The following CEP57 variants were observed in gnomAD, a reference collection of about 807,000 sequenced individuals.
The protein encoded by CEP57 is centrosomal protein 57.
A neutral mutation model predicts 68.0 loss-of-function variants in CEP57; 40 were observed. The observed-to-expected ratio is 0.59, with a 90% confidence interval of 0.46 to 0.77. The LOEUF is 0.77. Ranked by LOEUF, CEP57 falls within the 30% of genes least tolerant of loss-of-function variation. CEP57 has a pLI of 0.00. For synonymous variants in CEP57, 219 were observed against 198.7 expected (o/e 1.10, Z -0.86); for missense variants, 606 against 580.7 (o/e 1.04, Z -0.45).
At chr11:95,818,688 C>G (rs1862402946) in intron 5 of CEP57, 139 bp from the exon 6 acceptor site, 1 of 669,074 alleles carries the variant, frequency 1.5e-6, no homozygotes, top group East Asian at 2.8e-5. Context: ...CCATCCAGCT[C>G]ACAGCCTCCA....
At chr11:95,797,709 C>T (rs2135253601) in intron 1 of CEP57, among the ~76,000 whole-genome samples, 1 of 152,208 alleles carries the variant, frequency 6.6e-6, no homozygotes, top group East Asian at 1.9e-4. Context: ...ATGTATATGT[C>T]ATGAGGAGTG....
intron 3 of CEP57, 151 bp downstream of exon 3, chr11:95,813,262 C>T: frequency 2.0e-6 from 2 of 1,004,906 alleles, no homozygotes; most frequent in Non-Finnish European, 2.9e-6. Context: ...GGAGCAAATG[C>T]TGTTGTCATA....
At chr11:95,802,845 A>G (rs1348145112) in intron 2 of CEP57, among the ~76,000 whole-genome samples, 1 of 152,164 alleles carries the variant, frequency 6.6e-6, no homozygotes, top group Admixed American at 6.5e-5. Flanking sequence ...TATGCCCCAT[A>G]TTTTGAGAAC....
At chr11:95,828,146 CT>C in intron 9 of CEP57, 119 bp downstream of exon 9, 1 of 1,161,240 alleles carries the variant, frequency 8.6e-7, no homozygotes, top group Non-Finnish European at 1.2e-6. Flanking sequence ...GAGCACAATC[CT>C]TATACCAACC....
At chr11:95,803,991 A>G (rs995214271) in intron 2 of CEP57, among the ~76,000 whole-genome samples, 11 of 152,194 alleles carry the variant, frequency 7.2e-5, no homozygotes, top group Non-Finnish European at 1.5e-4. Flanking sequence ...AACAGTTCCA[A>G]AGATGTGTGC....
chr11:95,792,429 A>G (rs1197009971), intron 1 of CEP57, among the ~76,000 whole-genome samples: 5 of 152,190 alleles, frequency 3.3e-5, no homozygotes, highest in Admixed American at 3.3e-4. Flanking sequence ...GAAGTGAGGT[A>G]TGATAGTGCC....
In CEP57 at chr11:95,831,066, A is replaced by C; in HGVS notation, c.1313A>C (p.Lys438Thr). ...TTAGAGAAGCAGAAGAAGGAATTAA[A>C]AGCTACCAAAAAGACTCTTGATGAA... ...QKLEKQKKEL[K>T]ATKKTLDEER... Residue 438 changes from lysine to threonine, a missense_variant, in exon 11 of 11, where the codon AAA (lysine) becomes ACA (threonine). By Grantham distance (78) the Lys-to-Thr change is moderately conservative. Coordinates refer to ENST00000325542, the MANE Select transcript of CEP57 (RefSeq NM_014679.5). 1 of 1,613,432 alleles carries C rather than the reference A, an allele frequency of 6.2e-7. No individual in the cohort carries two copies. The highest frequency in any genetic ancestry group is 8.5e-7 in the Non-Finnish European group (1 of 1,179,578).
intron 1 of CEP57, among the ~76,000 whole-genome samples, chr11:95,791,019 A>T (rs1045676986): frequency 6.6e-6 from 1 of 152,154 alleles, no homozygotes; most frequent in African/African-American, 2.4e-5. Context: ...AACATTCCCA[A>T]GGGCCGGCTG....
At chr11:95,790,894 AT>A in intron 1 of CEP57, 151 bp downstream of exon 1, 1 of 944,062 alleles carries the variant, frequency 1.1e-6, no homozygotes, top group Non-Finnish European at 1.7e-6. Flanking sequence ...CCAAGCTTCC[AT>A]TCACTGTGGC....
intron 4 of CEP57, among the ~76,000 whole-genome samples, chr11:95,813,835 CTTT>C (rs968487492): frequency 2.0e-5 from 3 of 152,164 alleles, no homozygotes; most frequent in Non-Finnish European, 2.9e-5. Flanking sequence ...ATGTTAGCTT[CTTT>C]GAGTCTACAT....
intron 2 of CEP57, among the ~76,000 whole-genome samples, chr11:95,805,607 A>C (rs943462565): frequency 6.6e-6 from 1 of 152,214 alleles, no homozygotes; most frequent in African/African-American, 2.4e-5. Context: ...AGCTCTCCCT[A>C]CCTAGTGTAT....
intron 2 of CEP57, among the ~76,000 whole-genome samples, chr11:95,808,862 C>T (rs898861542): frequency 9.2e-5 from 14 of 152,206 alleles, no homozygotes; most frequent in Admixed American, 9.2e-4. Flanking sequence ...ACCTAATAGA[C>T]ATCTACAGAA....
At chr11:95,792,986 AC>A (rs1861165352) in intron 1 of CEP57, among the ~76,000 whole-genome samples, 1 of 152,192 alleles carries the variant, frequency 6.6e-6, no homozygotes, top group Non-Finnish European at 1.5e-5. Context: ...TTCAGATTTC[AC>A]GGTTATGAAG....
Position 95,818,016 on chromosome 11 carries a change from A to G in CEP57, c.621+113A>G, listed in dbSNP as rs181684729. 4.1e-6 allele frequency: 3 copies of G among 736,194 alleles called. No homozygotes were observed. The East Asian group carries it at 7.7e-5, about 19-fold the overall frequency. 45.6% of individuals were successfully genotyped at this position (736,194 alleles called of 1,614,324 possible). The stretch of plus-strand genomic sequence containing the variant: ...CATTAAAAGTGATCTTATAATGAAG[A>G]AATATATTGGAGTTTTAAAAAGAAA... On this transcript the variant is annotated intron_variant, in intron 5 of 10. Transcript: ENST00000325542.
intron 2 of CEP57, among the ~76,000 whole-genome samples, chr11:95,802,744 A>T (rs567201219): frequency 4.6e-5 from 7 of 152,346 alleles, no homozygotes; most frequent in South Asian, 2.1e-4. Context: ...ACAGTGAAAA[A>T]AGTGAAGTCT....
intron 2 of CEP57, among the ~76,000 whole-genome samples, chr11:95,810,286 G>A (rs1376074312): frequency 6.6e-6 from 1 of 152,108 alleles, no homozygotes; most frequent in African/African-American, 2.4e-5. Context: ...TTTGAAAACT[G>A]GCACAAGACA....
At chr11:95,815,437 T>A (rs1039877066) in intron 4 of CEP57, among the ~76,000 whole-genome samples, 12 of 152,222 alleles carry the variant, frequency 7.9e-5, no homozygotes, top group African/African-American at 1.2e-4. Flanking sequence ...CAATTTTTTT[T>A]AATTATTTGA....
intron 2 of CEP57, among the ~76,000 whole-genome samples, chr11:95,810,161 TAAAAACTCTCA>T (rs1349599526): frequency 1.3e-5 from 2 of 152,178 alleles, no homozygotes; most frequent in Non-Finnish European, 2.9e-5. Context: ...CCCTTCATGC[TAAAAACTCTCA>T]ATAAACTAGG....
chr11:95,821,340 A>C (rs1862509546), intron 6 of CEP57, among the ~76,000 whole-genome samples: 1 of 152,200 alleles, frequency 6.6e-6, no homozygotes, highest in African/African-American at 2.4e-5. Context: ...ATAGTTACTC[A>C]GCTTCTAGAG....
Sources: allele counts gnomAD v4.1 joint callset (sites outside exome capture counted in the v4.1 genomes callset), GRCh38; gene constraint gnomAD v4.1.1; transcripts MANE v1.5; gene names NCBI Gene and HGNC (gene_info 2026-07-23, HGNC 2026-07-21).